The following ABCG1 variants were observed in gnomAD, a reference collection of about 807,000 sequenced individuals.
ABCG1 encodes ATP binding cassette subfamily G member 1, also known as ATP-binding cassette sub-family G member 1.
Under a neutral mutation model 69.2 loss-of-function variants are expected in ABCG1, and 29 were observed. That is an observed-to-expected ratio of 0.42 (90% CI 0.31 to 0.57). The LOEUF is 0.57. Among genes scored for constraint, ABCG1 ranks in the 20% least tolerant of loss-of-function variants. ABCG1 has a pLI of 0.15. For missense variants in ABCG1, 718 were observed against 898.1 expected, an observed-to-expected ratio of 0.80 and a Z score of 2.56; for synonymous variants, 370 against 374.8, an observed-to-expected ratio of 0.99 and a Z score of 0.15.
intron 2 of ABCG1, among the ~76,000 whole-genome samples, chr21:42,270,084 C>T (rs1356257531): frequency 6.6e-6 from 1 of 151,946 alleles, no homozygotes; most frequent in Non-Finnish European, 1.5e-5. Context: ...CACGGTGAAA[C>T]CCTGTCTCTA....
chr21:42,209,680 T>C (rs543724546), intron 2 of ABCG1, among the ~76,000 whole-genome samples: 1 of 152,326 alleles, frequency 6.6e-6, no homozygotes, highest in South Asian at 2.1e-4. Context: ...TTCATACTAG[T>C]TCAAGGTCAG....
chr21:42,232,643 A>G (rs1005026793), intron 2 of ABCG1, among the ~76,000 whole-genome samples: 5 of 152,128 alleles, frequency 3.3e-5, no homozygotes, highest in African/African-American at 4.8e-5. Context: ...TCTTACCACA[A>G]TCGTTTTCAC....
In ABCG1 at chr21:42,291,473, G is replaced by GCGGCTGA; in HGVS notation, c.1495-21_1495-15dup. 2 of 1,595,060 alleles carry GCGGCTGA rather than the reference G, an allele frequency of 1.3e-6. No homozygotes were observed. The highest frequency in any genetic ancestry group is 1.3e-5 in the African/African-American group (1 of 74,824). ...GCTGTGGTGGGAAGCGGCTGAGCCC[G>GCGGCTGA]CGGCTGACGGGTCCTTGTTTCCAGA... is the stretch of plus-strand genomic sequence containing the variant. On this transcript the variant is annotated intron_variant, in intron 12 of 14. Coordinates refer to ENST00000398449, the MANE Select transcript of ABCG1 (RefSeq NM_016818.3). The surrounding 1 kb of genome is among the most constrained non-coding windows in gnomAD (Gnocchi z 6.4).
upstream of ABCG1, among the ~76,000 whole-genome samples, chr21:42,212,683 G>A (rs1460123503): frequency 1.3e-5 from 2 of 151,858 alleles, no homozygotes; most frequent in Non-Finnish European, 2.9e-5. Flanking sequence ...ATGTGAGAAG[G>A]GAAGAAATCA....
At chr21:42,245,886 G>A (rs1473476322) in intron 2 of ABCG1, among the ~76,000 whole-genome samples, 1 of 152,158 alleles carries the variant, frequency 6.6e-6, no homozygotes, top group Non-Finnish European at 1.5e-5. Context: ...TGATGAGGAG[G>A]AGACAGGGCA....
intron 1 of ABCG1, among the ~76,000 whole-genome samples, chr21:42,223,508 C>T (rs568902355): frequency 1.2e-4 from 18 of 152,206 alleles, no homozygotes; most frequent in African/African-American, 3.9e-4. Flanking sequence ...CTCAAGGCGA[C>T]GGCCCAGAGG....
chr21:42,201,076 A>G (rs1179758640), intron 1 of ABCG1, among the ~76,000 whole-genome samples: 1 of 150,876 alleles, frequency 6.6e-6, no homozygotes, highest in Non-Finnish European at 1.5e-5. Flanking sequence ...TTTTCACCTC[A>G]CTTGCCACTA....
intron 2 of ABCG1, chr21:42,259,929 C>T: frequency 1.4e-6 from 2 of 1,465,110 alleles, no homozygotes; most frequent in South Asian, 2.9e-5. Flanking sequence ...TGAAGCTCAG[C>T]AGCTGTGGGT....
chr21:42,201,623 C>T (rs1051532948), exon 2 of ABCG1: 15 of 1,575,506 alleles, frequency 9.5e-6, no homozygotes, highest in Non-Finnish European at 1.3e-5. Flanking sequence ...AGATTCAGCC[C>T]CGTGCTCAGC....
chr21:42,252,871 A>G (rs561917860), intron 2 of ABCG1, among the ~76,000 whole-genome samples: 1 of 152,232 alleles, frequency 6.6e-6, no homozygotes, highest in South Asian at 2.1e-4. Flanking sequence ...CCCTGACATC[A>G]TCCCCGCCCA....
intron 2 of ABCG1, among the ~76,000 whole-genome samples, chr21:42,258,022 C>A (rs184433): frequency 0.16 from 9,362 of 56,746 alleles, 594 homozygotes; most frequent in African/African-American, 0.19. Context: ...TCCACTCCAT[C>A]AGCCTCTCCA....
At chr21:42,281,182 C>T (rs117048333) in intron 5 of ABCG1, among the ~76,000 whole-genome samples, 4,916 of 152,316 alleles carry the variant, frequency 0.032, 167 homozygotes, top group Admixed American at 0.1. Context: ...CTCGTGAGTT[C>T]TTCCTCCCTT....
At chr21:42,257,497 T>C (rs576961336) in intron 2 of ABCG1, among the ~76,000 whole-genome samples, 1 of 152,238 alleles carries the variant, frequency 6.6e-6, no homozygotes, top group African/African-American at 2.4e-5. Flanking sequence ...CTGGGGGCCA[T>C]CCCCCTTCCA....
At chr21:42,250,859 G>A (rs2068208742) in intron 2 of ABCG1, among the ~76,000 whole-genome samples, 5 of 152,204 alleles carry the variant, frequency 3.3e-5, no homozygotes, top group Admixed American at 3.3e-4. Context: ...GTGTGTGCGG[G>A]GTATAGGAAG....
chr21:42,248,729 T>TA (rs1181459748), intron 2 of ABCG1, among the ~76,000 whole-genome samples: 1 of 145,880 alleles, frequency 6.9e-6, no homozygotes, highest in Non-Finnish European at 1.5e-5. Flanking sequence ...CTCTGCAAAA[T>TA]AAAAAAATTT....
Position 42,273,482 on chromosome 21 carries a change from C to A in ABCG1, c.537+47C>A. 1 of 1,590,006 alleles carries A rather than the reference C, an allele frequency of 6.3e-7. No individual in the cohort carries two copies. The highest frequency in any genetic ancestry group is 1.1e-5 in the South Asian group (1 of 87,678). On this transcript the variant is annotated intron_variant, in intron 4 of 14. Coordinates refer to ENST00000398449, the MANE Select transcript of ABCG1 (RefSeq NM_016818.3). The surrounding 1 kb of genome is among the most constrained non-coding windows in gnomAD (Gnocchi z 5.3). ...CCCACTCCGCCCCTGCCGCCTGTCC[C>A]CAGCGCCCACATTAGACACAGCACT... is the stretch of plus-strand genomic sequence containing the variant.
rs768243070 is a variant in ABCG1 at position 42,225,650 on chromosome 21, T to G, written c.43-21T>G. On this transcript the variant is annotated intron_variant, in intron 1 of 14. Coordinates refer to ENST00000398449, the MANE Select transcript of ABCG1 (RefSeq NM_016818.3). ...TGATGCAGCTTATAACAGGTCTTGT[T>G]GCTTCCTCTGGTTTTTCTAGAATGC... 1.9e-6 allele frequency: 3 copies of G among 1,611,006 alleles called. No individual in the cohort carries two copies. In the South Asian group the frequency reaches 3.3e-5, roughly 18 times the overall value.
Position 42,288,347 on chromosome 21 carries a change from A to G in ABCG1, c.1224+35A>G, listed in dbSNP as rs769786173. The G allele has an allele frequency of 1.3e-6, 2 of 1,507,268 alleles. No individual in the cohort carries two copies. The highest frequency in any genetic ancestry group is 1.7e-5 in the Admixed American group (1 of 59,328). The allele number at this position is 1,507,268 out of a possible 1,614,324, so 93.4% of individuals were successfully genotyped here. A position where few individuals can be genotyped will look rare whatever the true frequency, so the allele number is the denominator to read the frequency against. On this transcript the variant is annotated intron_variant, in intron 10 of 14. Coordinates refer to ENST00000398449, the MANE Select transcript of ABCG1 (RefSeq NM_016818.3). The surrounding 1 kb of genome is among the most constrained non-coding windows in gnomAD (Gnocchi z 4.8). ...CCCGCATCTTCTCCTGTAGCTGGGG[A>G]ACCCGTGGGTCATTTTCTCAGACTC...
intron 2 of ABCG1, among the ~76,000 whole-genome samples, chr21:42,262,799 T>C (rs1243876895): frequency 6.6e-6 from 1 of 152,230 alleles, no homozygotes; most frequent in Non-Finnish European, 1.5e-5. Context: ...CAAGCTCTTG[T>C]ATGTCACCTG....
Sources: allele counts gnomAD v4.1 joint callset (sites outside exome capture counted in the v4.1 genomes callset), GRCh38; gene constraint gnomAD v4.1.1; non-coding constraint Gnocchi (gnomAD v3.1); transcripts MANE v1.5; gene names NCBI Gene and HGNC (gene_info 2026-07-23, HGNC 2026-07-21).